The following HDAC4 variants were observed in gnomAD, a reference collection of about 807,000 sequenced individuals.
The protein encoded by HDAC4 is histone deacetylase A.
In HDAC4, 16 loss-of-function variants were observed where a neutral mutation model predicts 135.1. The observed-to-expected ratio is 0.12, with a 90% confidence interval of 0.08 to 0.18. HDAC4 has a LOEUF of 0.18. Ranked by LOEUF, HDAC4 falls within the 10% of genes least tolerant of loss-of-function variation. The probability of loss-of-function intolerance (pLI) is 1.00; values close to 1 mark genes in which losing one functional copy is unlikely to be tolerated. For synonymous variants in HDAC4, 685 were observed against 653.4 expected (o/e 1.05, Z -0.74); for missense variants, 1,143 against 1,511.8 (o/e 0.76, Z 4.05).
intron 4 of HDAC4, among the ~76,000 whole-genome samples, chr2:239,188,681 C>A (rs2044706756): frequency 6.6e-6 from 1 of 152,238 alleles, no homozygotes; most frequent in Non-Finnish European, 1.5e-5. Flanking sequence ...CTTGCCAAGA[C>A]TTAGCATGAA....
At chr2:239,353,344 A>C (rs928336585) in intron 1 of HDAC4, among the ~76,000 whole-genome samples, 1 of 152,216 alleles carries the variant, frequency 6.6e-6, no homozygotes, top group Non-Finnish European at 1.5e-5. Context: ...GTTCTGACCA[A>C]GGACTGATAG....
At chr2:239,292,877 A>G (rs1575628429) in intron 2 of HDAC4, among the ~76,000 whole-genome samples, 1 of 152,348 alleles carries the variant, frequency 6.6e-6, no homozygotes, top group Middle Eastern at 3.4e-3. Flanking sequence ...CAGGTATGCA[A>G]CAGCACTAAG....
rs145117253 is a variant in HDAC4 at position 239,376,466 on chromosome 2, T to C, written c.-219-23548A>G. 2.2e-3 allele frequency among the ~76,000 whole-genome samples: 339 copies of C among 152,324 alleles called. 2 individuals are homozygous for C. The highest frequency in any genetic ancestry group is 7.9e-3 in the African/African-American group (329 of 41,554). On this transcript the variant is annotated intron_variant, in intron 1 of 26. Coordinates refer to ENST00000543185, the MANE Select transcript of HDAC4 (RefSeq NM_001378414.1). ...TGCTGTGTGCTCACAACCCTCCTGA[T>C]GGTGCCCCAGATGTCACCACCGCGC...
intron 24 of HDAC4, among the ~76,000 whole-genome samples, chr2:239,065,625 G>C (rs1019969071): frequency 5.3e-5 from 8 of 152,180 alleles, no homozygotes; most frequent in Non-Finnish European, 7.4e-5. Context: ...TGCCGGGCTG[G>C]GGAGGGCAGT....
rs1250703859 is a variant in HDAC4 at position 239,207,127 on chromosome 2, T to C, written c.95-17050A>G. Among the ~76,000 whole-genome samples the C allele has an allele frequency of 2.0e-5, 3 of 151,708 alleles. No individual in the cohort carries two copies. In the East Asian group the frequency reaches 5.8e-4, roughly 29 times the overall value. On this transcript the variant is annotated intron_variant, in intron 3 of 26. Coordinates refer to ENST00000543185, the MANE Select transcript of HDAC4 (RefSeq NM_001378414.1). ...GCCTGTAATTCTCTACAATAGAAAG[T>C]TCAATTTCAAAAAAAAAAAAATTTC...
chr2:239,328,012 C>A (rs1437857518), intron 2 of HDAC4, among the ~76,000 whole-genome samples: 1 of 152,230 alleles, frequency 6.6e-6, no homozygotes, highest in Non-Finnish European at 1.5e-5. Flanking sequence ...CCCCTCACTG[C>A]ACATCCCTCC....
At chr2:239,383,894 G>A (rs1269098787) in intron 1 of HDAC4, among the ~76,000 whole-genome samples, 2 of 152,186 alleles carry the variant, frequency 1.3e-5, no homozygotes, top group Non-Finnish European at 2.9e-5. Context: ...CATCAGCCCC[G>A]CCAACAAGGC....
intron 3 of HDAC4, among the ~76,000 whole-genome samples, chr2:239,211,860 A>T (rs1353634384): frequency 1.3e-5 from 2 of 152,202 alleles, no homozygotes; most frequent in East Asian, 1.9e-4. Context: ...ACAAAAACAA[A>T]CAATCCAGAG....
At position 239,306,526 on chromosome 2, in the gene HDAC4, C is replaced by T. The variant is rs534864214; in HGVS notation, c.22+46152G>A. Among the ~76,000 whole-genome samples the T allele has an allele frequency of 2.6e-5, 4 of 152,122 alleles. No homozygotes were observed. The highest frequency in any genetic ancestry group is 4.8e-5 in the African/African-American group (2 of 41,404). On this transcript the variant is annotated intron_variant, in intron 2 of 26. Coordinates refer to ENST00000543185, the MANE Select transcript of HDAC4 (RefSeq NM_001378414.1). This position sits in a 1 kb window ranked among gnomAD's most constrained non-coding sequence, Gnocchi z 4.5. ...TAGAGCCATCAAATCATCTGGGCCC[C>T]GACACACTTGTTTCGTACCTTTCCC... is the stretch of plus-strand genomic sequence containing the variant.
At chr2:239,271,680 C>T (rs956191619) in intron 2 of HDAC4, among the ~76,000 whole-genome samples, 1 of 152,234 alleles carries the variant, frequency 6.6e-6, no homozygotes, top group African/African-American at 2.4e-5. Context: ...GGCACAGCTG[C>T]TGAGTGAGAG....
At chr2:239,077,402 G>A (rs77938905) in intron 22 of HDAC4, among the ~76,000 whole-genome samples, 25 of 152,322 alleles carry the variant, frequency 1.6e-4, no homozygotes, top group Admixed American at 1.6e-3. Flanking sequence ...AGGTCTTACC[G>A]GGCCTGCCTA....
At chr2:239,126,775 G>C (rs1175435348) in intron 11 of HDAC4, 81 bp from the exon 12 acceptor site, 51 of 1,460,428 alleles carry the variant, frequency 3.5e-5, no homozygotes, top group African/African-American at 5.6e-5. Context: ...GTAAGTGATG[G>C]AGACAACTGC....
chr2:239,327,470 T>G (rs887051701), intron 2 of HDAC4, among the ~76,000 whole-genome samples: 1 of 152,246 alleles, frequency 6.6e-6, no homozygotes, highest in African/African-American at 2.4e-5. Flanking sequence ...AATACGGAAG[T>G]CTTTTCTCAA....
At chr2:239,152,566 C>A (rs1407419119) in intron 7 of HDAC4, among the ~76,000 whole-genome samples, 1 of 152,250 alleles carries the variant, frequency 6.6e-6, no homozygotes, top group Non-Finnish European at 1.5e-5. Context: ...CTCTCAAGCC[C>A]AGCGGTGGAG....
chr2:239,384,194 C>T (rs1219581694), intron 1 of HDAC4, among the ~76,000 whole-genome samples: 4 of 152,216 alleles, frequency 2.6e-5, no homozygotes, highest in East Asian at 1.9e-4. Context: ...ATCCCAGGTC[C>T]TCTGTATCAG....
At chr2:239,055,680 G>A (rs550334295) in intron 24 of HDAC4, among the ~76,000 whole-genome samples, 20 of 145,596 alleles carry the variant, frequency 1.4e-4, no homozygotes, top group African/African-American at 1.8e-4. Context: ...TTGTGCCACC[G>A]CACTCCAGCC....
At chr2:239,074,592 C>A (rs1231443754) in intron 22 of HDAC4, among the ~76,000 whole-genome samples, 1 of 152,222 alleles carries the variant, frequency 6.6e-6, no homozygotes, top group Non-Finnish European at 1.5e-5. Context: ...GATGCACGTG[C>A]CCACACACTC....
intron 1 of HDAC4, among the ~76,000 whole-genome samples, chr2:239,371,278 TACAC>T (rs1282502506): frequency 6.6e-6 from 1 of 152,080 alleles, no homozygotes; most frequent in African/African-American, 2.4e-5. Context: ...CTCAATCACA[TACAC>T]ACATCCTTAT....
At chr2:239,125,602 G>GCA (rs2040130316) in intron 12 of HDAC4, among the ~76,000 whole-genome samples, 1 of 152,230 alleles carries the variant, frequency 6.6e-6, no homozygotes, top group East Asian at 1.9e-4. Context: ...GAGCTGTGGG[G>GCA]CCATGTGGTG....
Sources: gnomAD v4.1 joint callset for allele counts (sites outside exome capture counted in the v4.1 genomes callset) on GRCh38, gnomAD v4.1.1 for gene constraint, Gnocchi (gnomAD v3.1) non-coding constraint, MANE v1.5 for transcripts, NCBI Gene and HGNC (gene_info 2026-07-23, HGNC 2026-07-21) for gene names.